The following SNAPC1 variants were observed in gnomAD, a reference collection of about 807,000 sequenced individuals.
SNAPC1 encodes snRNA-activating protein complex subunit 1.
In SNAPC1, 42 loss-of-function variants were observed where a neutral mutation model predicts 50.1. The observed-to-expected ratio is 0.84, with a 90% confidence interval of 0.65 to 1.08. The LOEUF (loss-of-function observed/expected upper bound fraction) is 1.08, where lower values mean the gene tolerates loss of function less well. Ranked by LOEUF, SNAPC1 falls within the 50% of genes least tolerant of loss-of-function variation. The pLI is 0.00. For synonymous variants in SNAPC1, 164 were observed against 144.2 expected (o/e 1.14, Z -0.98); for missense variants, 477 against 427.3 (o/e 1.12, Z -1.02).
chr14:61,771,378 G>A (rs534834251), intron 4 of SNAPC1, among the ~76,000 whole-genome samples: 81 of 152,336 alleles, frequency 5.3e-4, no homozygotes, highest in African/African-American at 1.9e-3. Context: ...TTGTATGGCT[G>A]TGGTGCCTGT....
chr14:61,794,241 A>C (rs2045172415), intron 9 of SNAPC1, among the ~76,000 whole-genome samples: 1 of 152,122 alleles, frequency 6.6e-6, no homozygotes, highest in African/African-American at 2.4e-5. Flanking sequence ...GGGTTCATAT[A>C]ATTATAGGGA....
chr14:61,774,165 CTTT>C (rs377461957), intron 4 of SNAPC1, among the ~76,000 whole-genome samples: 44 of 136,394 alleles, frequency 3.2e-4, no homozygotes, highest in African/African-American at 8.2e-4. Context: ...TTTTCTTCTT[CTTT>C]TTTTTTTTTT....
At chr14:61,784,529 T>G (rs1380484597) in intron 8 of SNAPC1, among the ~76,000 whole-genome samples, 2 of 151,786 alleles carry the variant, frequency 1.3e-5, no homozygotes, top group African/African-American at 4.8e-5. Context: ...AGGTAGTAAA[T>G]AGTTTAGGTT....
intron 4 of SNAPC1, among the ~76,000 whole-genome samples, chr14:61,770,224 C>T (rs2044977484): frequency 6.7e-6 from 1 of 149,234 alleles, no homozygotes; most frequent in African/African-American, 2.5e-5. Context: ...TGTTTAGATG[C>T]CCCCATGTTC....
chr14:61,795,027 A>G lies in SNAPC1; in HGVS notation c.*44A>G, dbSNP rs768964150. 8.1e-6 allele frequency: 11 copies of G among 1,352,684 alleles called. No homozygotes were observed. Among genetic ancestry groups the G allele is most frequent in the Admixed American group, 4.6e-5 (2 of 43,336 alleles). 83.8% of individuals were successfully genotyped at this position (1,352,684 alleles called of 1,614,324 possible). On this transcript the variant is annotated 3_prime_UTR_variant, in exon 10 of 10. Coordinates refer to ENST00000216294, the MANE Select transcript of SNAPC1 (RefSeq NM_003082.4). ...TTTTTAATTTTGAGTTTTCTGACAG[A>G]AGAAAAGATTGATATTTTGTGTATT...
intron 4 of SNAPC1, among the ~76,000 whole-genome samples, chr14:61,772,883 T>C (rs540618533): frequency 6.6e-6 from 1 of 152,334 alleles, no homozygotes; most frequent in South Asian, 2.1e-4. Flanking sequence ...CTGGAAGCTT[T>C]TAGGAATGGA....
chr14:61,763,246 C>A (rs1318017122), intron 1 of SNAPC1, among the ~76,000 whole-genome samples: 1 of 150,632 alleles, frequency 6.6e-6, no homozygotes, highest in Non-Finnish European at 1.5e-5. Flanking sequence ...CCGCCTCGGC[C>A]TCCCAAAGCG....
At chr14:61,774,493 A>T (rs796990547) in intron 4 of SNAPC1, among the ~76,000 whole-genome samples, 5 of 152,194 alleles carry the variant, frequency 3.3e-5, no homozygotes, top group African/African-American at 1.2e-4. Context: ...ATTAGATCTG[A>T]CTGGTGGTCT....
Position 61,770,796 on chromosome 14 carries a change from G to A in SNAPC1, c.534+2056G>A, listed in dbSNP as rs111516449. ...GTAGCCCAAGTTGGAGTGCAGTGGC[G>A]CAATTTTGGCTCACTGCAACCTGCA... On this transcript the variant is annotated intron_variant, in intron 4 of 9. Transcript: ENST00000216294. Among the ~76,000 whole-genome samples, 1,358 of 151,840 alleles carry A rather than the reference G, an allele frequency of 8.9e-3. 8 individuals are homozygous for A. Among genetic ancestry groups the A allele is most frequent in the Middle Eastern group, 0.031 (9 of 294 alleles).
intron 7 of SNAPC1, among the ~76,000 whole-genome samples, chr14:61,781,388 T>C (rs1216618547): frequency 2.9e-4 from 41 of 143,712 alleles, no homozygotes; most frequent in African/African-American, 1.0e-3. Flanking sequence ...AGGTAGAGGT[T>C]GCAGCGAGCT....
At chr14:61,768,795 A>G (rs1042516092) in intron 4 of SNAPC1, 55 bp downstream of exon 4, 11 of 894,752 alleles carry the variant, frequency 1.2e-5, no homozygotes, top group Non-Finnish European at 1.6e-5. Context: ...ATTGCCAACT[A>G]CATATTGAGG....
intron 3 of SNAPC1, 106 bp from the exon 4 acceptor site, chr14:61,768,530 A>T (rs2044965151): frequency 6.7e-6 from 4 of 597,728 alleles, no homozygotes; most frequent in Middle Eastern, 8.2e-4. Flanking sequence ...GTTTTGTTTT[A>T]TCTGTGTTTA....
intron 9 of SNAPC1, among the ~76,000 whole-genome samples, chr14:61,793,975 C>T (rs1045346926): frequency 2.6e-5 from 4 of 152,034 alleles, no homozygotes; most frequent in African/African-American, 7.2e-5. Flanking sequence ...CTTTTTGCCA[C>T]ATCTTTTGTA....
chr14:61,769,327 G>T (rs1314671181), intron 4 of SNAPC1, among the ~76,000 whole-genome samples: 2 of 150,736 alleles, frequency 1.3e-5, no homozygotes, highest in Admixed American at 6.6e-5. Flanking sequence ...CTGCACTCCA[G>T]CCTGGGCAAC....
chr14:61,770,769 C>T (rs1383252785), intron 4 of SNAPC1, among the ~76,000 whole-genome samples: 1 of 152,054 alleles, frequency 6.6e-6, no homozygotes, highest in Non-Finnish European at 1.5e-5. Flanking sequence ...TTCTCTCACT[C>T]TGTAGCCCAA....
Position 61,782,313 on chromosome 14 carries a change from C to G in SNAPC1, c.892C>G (p.Gln298Glu), listed in dbSNP as rs1228806433. The G allele has an allele frequency of 5.0e-6, 8 of 1,612,854 alleles. No individual in the cohort carries two copies. ...DSSDSDSASG[Q>E]GQVKATRKKE... Reference sequence around the variant, plus strand: ...TTCTGACTCTGATTCTGCATCTGGTCAAGGGCAAGTCAAAGCAACTAGGAA... The same window carrying G: ...TTCTGACTCTGATTCTGCATCTGGTGAAGGGCAAGTCAAAGCAACTAGGAA... The change falls in exon 8 of 10, where the codon CAA becomes GAA. Residue 298 changes from glutamine (Q) to glutamate (E), a missense_variant. By Grantham distance (29) the Gln-to-Glu change is conservative. Transcript: ENST00000216294.
chr14:61,776,273 G>A lies in SNAPC1; in HGVS notation c.693+20G>A, dbSNP rs2045034918. 1 of 1,598,050 alleles carries A rather than the reference G, an allele frequency of 6.3e-7. No individual in the cohort carries two copies. The highest frequency in any genetic ancestry group is 1.3e-5 in the African/African-American group (1 of 74,422). On this transcript the variant is annotated intron_variant, in intron 5 of 9. Coordinates refer to ENST00000216294, the MANE Select transcript of SNAPC1 (RefSeq NM_003082.4). ...AGAAAGGTATGCAATCACTTGTTTG[G>A]TGCCTCACCATTGTATTTTACACGA...
At chr14:61,774,451 C>T (rs1159219941) in intron 4 of SNAPC1, among the ~76,000 whole-genome samples, 1 of 152,142 alleles carries the variant, frequency 6.6e-6, no homozygotes, top group African/African-American at 2.4e-5. Flanking sequence ...CATTGTCATC[C>T]ATTGAGCAAA....
chr14:61,794,895 T>G, intron 9 of SNAPC1, 54 bp from the exon 10 acceptor site: 1 of 1,286,386 alleles, frequency 7.8e-7, no homozygotes, highest in Non-Finnish European at 1.1e-6. Context: ...GTTTTTTTTG[T>G]TTGTTTTTTT....
Sources: allele counts gnomAD v4.1 joint callset (sites outside exome capture counted in the v4.1 genomes callset), GRCh38; gene constraint gnomAD v4.1.1; transcripts MANE v1.5; gene names NCBI Gene and HGNC (gene_info 2026-07-23, HGNC 2026-07-21).